Variants in ARHGEF10 observed in about 807,000 individuals in gnomAD.
The protein encoded by ARHGEF10 is Rho guanine nucleotide exchange factor 10.
In ARHGEF10, 140 loss-of-function variants were observed where a neutral mutation model predicts 147.4. The observed-to-expected ratio is 0.95, with a 90% CI of 0.83 to 1.09. The LOEUF is 1.09. Among genes scored for constraint, ARHGEF10 ranks in the 50% least tolerant of loss-of-function variants. The pLI is 0.00. For missense variants in ARHGEF10, 2,222 were observed against 1,752.7 expected (o/e 1.27, Z -4.78); for synonymous variants, 902 against 695.8 (o/e 1.30, Z -4.67).
chr8:1,852,935 G>A (rs1271645900), intron 2 of ARHGEF10, among the ~76,000 whole-genome samples: 1 of 152,228 alleles, frequency 6.6e-6, no homozygotes, highest in Non-Finnish European at 1.5e-5. Context: ...GCCCCTGAAT[G>A]CAGCAGAGCC....
At chr8:1,825,638 G>T (rs1335509947) in intron 1 of ARHGEF10, among the ~76,000 whole-genome samples, 1 of 151,898 alleles carries the variant, frequency 6.6e-6, no homozygotes, top group African/African-American at 2.4e-5. Context: ...ATGGGCCCCT[G>T]GGCACTGAAG....
At chr8:1,851,140 C>T (rs910480695) in intron 2 of ARHGEF10, among the ~76,000 whole-genome samples, 1 of 151,924 alleles carries the variant, frequency 6.6e-6, no homozygotes, top group East Asian at 1.9e-4. Flanking sequence ...ATAGAAGGCA[C>T]AGCACCAGGA....
chr8:1,894,736 G>T (rs964549201), intron 13 of ARHGEF10, among the ~76,000 whole-genome samples, 164 bp downstream of exon 13: 10 of 152,208 alleles, frequency 6.6e-5, no homozygotes, highest in African/African-American at 2.4e-4. Flanking sequence ...AAGCGTGTGC[G>T]CTAGGGAAAT....
intron 27 of ARHGEF10, among the ~76,000 whole-genome samples, chr8:1,947,181 C>T (rs1175674984): frequency 1.3e-5 from 2 of 152,124 alleles, no homozygotes; most frequent in Non-Finnish European, 2.9e-5. Context: ...TCTCACGCGG[C>T]AGTGAGTGTC....
rs144017208 is a variant in ARHGEF10 at position 1,929,240 on chromosome 8, T to C, written c.2922-46T>C. 510 of 1,595,946 alleles carry C rather than the reference T, an allele frequency of 3.2e-4. 7 individuals are homozygous for C. The East Asian group carries it at 0.011, about 35-fold the overall frequency. ...ATGTTAACAGGCACCCTCGTTCTTGTTACAACGAGCAAATATATTTATTAG... is the reference window on the plus strand; with the variant it reads ...ATGTTAACAGGCACCCTCGTTCTTGCTACAACGAGCAAATATATTTATTAG... On this transcript the variant is annotated intron_variant, in intron 24 of 28. Transcript: ENST00000349830.
intron 10 of ARHGEF10, among the ~76,000 whole-genome samples, chr8:1,884,109 C>G (rs1003298492): frequency 6.6e-6 from 1 of 152,104 alleles, no homozygotes; most frequent in African/African-American, 2.4e-5. Flanking sequence ...TAGGCAAATC[C>G]TTGGCCGGGC....
Position 1,933,855 on chromosome 8 carries a change from T to G in ARHGEF10, c.3135T>G (p.Val1045=), listed in dbSNP as rs751386388. ...QKVIKLGVLP[V]RSLLMMEDTL... is the part of the protein sequence containing the mutation. The stretch of plus-strand genomic sequence containing the variant: ...TGATCAAGTTAGGCGTCCTACCAGT[T>G]AGAAGTCTACTCATGATGGAAGACA... The change falls in exon 26 of 29, where the codon GTT becomes GTG. Residue 1045 remains valine (V), a synonymous_variant. Transcript: ENST00000349830. The G allele has an allele frequency of 1.2e-6, 2 of 1,614,200 alleles. No homozygotes were observed. The highest frequency in any genetic ancestry group is 1.1e-5 in the South Asian group (1 of 91,088).
intron 18 of ARHGEF10, among the ~76,000 whole-genome samples, chr8:1,913,843 A>G (rs998975072): frequency 6.6e-6 from 1 of 152,240 alleles, no homozygotes; most frequent in African/African-American, 2.4e-5. Flanking sequence ...ATTTGTAACA[A>G]GACACAGTCA....
At chr8:1,896,595 T>A in intron 14 of ARHGEF10, 146 bp downstream of exon 14, 2 of 716,930 alleles carry the variant, frequency 2.8e-6, no homozygotes, top group Non-Finnish European at 4.9e-6. Flanking sequence ...GAAATGAAGA[T>A]GAATTTTAGG....
chr8:1,909,144 G>A, intron 17 of ARHGEF10, 151 bp from the exon 18 acceptor site: 3 of 1,185,286 alleles, frequency 2.5e-6, no homozygotes, highest in Non-Finnish European at 3.7e-6. Context: ...GACTCAGTAA[G>A]AAAGTCAGAA....
chr8:1,933,258 A>T (rs993765264), intron 25 of ARHGEF10, among the ~76,000 whole-genome samples: 1 of 152,198 alleles, frequency 6.6e-6, no homozygotes, highest in South Asian at 2.1e-4. Context: ...AGCAAGGCAC[A>T]TGTTAGAACG....
chr8:1,872,893 G>A (rs1161634378), intron 7 of ARHGEF10, among the ~76,000 whole-genome samples: 2 of 152,184 alleles, frequency 1.3e-5, no homozygotes, highest in Non-Finnish European at 2.9e-5. Context: ...AAAACTCCTA[G>A]GTGCTTGCAG....
chr8:1,853,789 C>T (rs535940531), intron 2 of ARHGEF10, among the ~76,000 whole-genome samples: 262 of 152,354 alleles, frequency 1.7e-3, no homozygotes, highest in Non-Finnish European at 2.7e-3. Flanking sequence ...TTCCTTGCCT[C>T]TTCCAGCGCC....
intron 5 of ARHGEF10, among the ~76,000 whole-genome samples, chr8:1,865,318 G>A (rs999839244): frequency 6.6e-6 from 1 of 152,018 alleles, no homozygotes; most frequent in Non-Finnish European, 1.5e-5. Flanking sequence ...GCACCCAGGG[G>A]GCCGTCACCA....
chr8:1,925,165 G>C, intron 21 of ARHGEF10, 118 bp from the exon 22 acceptor site: 2 of 1,250,550 alleles, frequency 1.6e-6, no homozygotes. Flanking sequence ...ACATGGCGTT[G>C]TCTGGCCCTG....
Position 1,894,408 on chromosome 8 carries a change from C to G in ARHGEF10, c.1276C>G (p.Leu426Val). 1 of 1,614,202 alleles carries G rather than the reference C, an allele frequency of 6.2e-7. No individual in the cohort carries two copies. The highest frequency in any genetic ancestry group is 1.1e-5 in the South Asian group (1 of 91,082). Residue 426 changes from leucine to valine, a missense_variant, in exon 13 of 29, where the codon CTG becomes GTG. Transcript: ENST00000349830. ...KRILEQYEKP[L>V]SEMEPKVLSE... ...TTTGTCTTAGCAATATGAGAAGCCG[C>G]TGTCTGAGATGGAGCCAAAGGTTCT...
intron 28 of ARHGEF10, among the ~76,000 whole-genome samples, chr8:1,954,463 T>C (rs974250039): frequency 3.9e-5 from 5 of 127,652 alleles, no homozygotes; most frequent in African/African-American, 1.5e-4. Flanking sequence ...AATGCAAATA[T>C]TCCAACATTA....
chr8:1,832,595 GAGAC>G, intron 1 of ARHGEF10, among the ~76,000 whole-genome samples: 1 of 150,154 alleles, frequency 6.7e-6, no homozygotes, highest in African/African-American at 2.5e-5. Context: ...GACAGAGACA[GAGAC>G]AGGCAGAGGC....
At chr8:1,880,204 C>T (rs202181980) in intron 9 of ARHGEF10, 40 bp downstream of exon 9, 15 of 1,478,518 alleles carry the variant, frequency 1.0e-5, no homozygotes, top group Admixed American at 5.0e-5. Flanking sequence ...ACTTGCCAGC[C>T]GGGCAGTAAA....
Sources: gnomAD v4.1 joint callset for allele counts (sites outside exome capture counted in the v4.1 genomes callset) on GRCh38, gnomAD v4.1.1 for gene constraint, MANE v1.5 for transcripts, NCBI Gene and HGNC (gene_info 2026-07-23, HGNC 2026-07-21) for gene names.